Variants in PTPRT observed in about 807,000 individuals in gnomAD.
PTPRT encodes receptor-type tyrosine-protein phosphatase T.
Under a neutral mutation model 176.8 loss-of-function variants are expected in PTPRT, and 56 were observed. The observed-to-expected ratio is 0.32, with a 90% CI of 0.26 to 0.40. The LOEUF (loss-of-function observed/expected upper bound fraction) is 0.40. Among genes scored for constraint, PTPRT ranks in the 10% least tolerant of loss-of-function variants. PTPRT has a pLI of 1.00. For synonymous variants in PTPRT, 783 were observed against 739.0 expected, an observed-to-expected ratio of 1.06 and a Z score of -0.96; for missense variants, 1,540 against 1,908.2, an observed-to-expected ratio of 0.81 and a Z score of 3.60.
At position 42,825,366 on chromosome 20, in the gene PTPRT, A is replaced by G. The variant is rs921655483; in HGVS notation, c.215-33900T>C. On this transcript the variant is annotated intron_variant, in intron 2 of 30. Transcript: ENST00000373187. ...AGTGTAAGGACGTAATTAAATAAGT[A>G]ATAATACGGCAATATGATATAATTT... Among the ~76,000 whole-genome samples the G allele has an allele frequency of 1.5e-3, 233 of 152,146 alleles. 1 individual carries two copies. Among genetic ancestry groups the G allele is most frequent in the Non-Finnish European group, 7.4e-5 (5 of 68,006 alleles).
intron 1 of PTPRT, among the ~76,000 whole-genome samples, chr20:43,065,576 A>G (rs1245956282): frequency 6.6e-6 from 1 of 152,190 alleles, no homozygotes; most frequent in Non-Finnish European, 1.5e-5. Context: ...TGACCCAGAG[A>G]TCTGTTGGTA....
At chr20:43,151,887 A>G (rs1349324386) in intron 1 of PTPRT, among the ~76,000 whole-genome samples, 1 of 151,970 alleles carries the variant, frequency 6.6e-6, no homozygotes, top group Non-Finnish European at 1.5e-5. Context: ...GAAACCAAGA[A>G]CTTGAAGACT....
chr20:42,053,356 GTCT>G, the PTPRT span, among the ~76,000 whole-genome samples: 1 of 152,108 alleles, frequency 6.6e-6, no homozygotes, highest in Non-Finnish European at 1.5e-5. Flanking sequence ...CGGTACTGTG[GTCT>G]TCTTCCCAGC....
chr20:42,752,687 G>A (rs950724566), intron 6 of PTPRT, among the ~76,000 whole-genome samples: 4 of 152,184 alleles, frequency 2.6e-5, no homozygotes, highest in African/African-American at 7.2e-5. Context: ...CTGAAAGAAG[G>A]AGGATTAATG....
chr20:42,431,736 G>A (rs913322993), intron 9 of PTPRT, among the ~76,000 whole-genome samples: 5 of 152,050 alleles, frequency 3.3e-5, no homozygotes, highest in African/African-American at 7.2e-5. Flanking sequence ...GATCCTTAAC[G>A]GGATTTCCTA....
rs948008779 is a variant in PTPRT, at chr20:42,604,357, G to A, written c.1153+73509C>T. ...ATACTCATCTGAATTACTGATGTTG[G>A]GCATGAGATGGTGGGGCCATGCGAT... On this transcript the variant is annotated intron_variant, in intron 7 of 30. Coordinates refer to ENST00000373187, the MANE Select transcript of PTPRT (RefSeq NM_007050.6). 2.0e-5 allele frequency among the ~76,000 whole-genome samples: 3 copies of A among 152,132 alleles called. No individual in the cohort carries two copies. In the South Asian group the frequency reaches 6.2e-4, roughly 32 times the overall value.
chr20:42,722,132 GCA>G (rs2076313078), intron 6 of PTPRT, among the ~76,000 whole-genome samples: 2 of 152,106 alleles, frequency 1.3e-5, no homozygotes, highest in East Asian at 3.9e-4. Context: ...CTTCCTCTCT[GCA>G]CATTCTTCTC....
intron 7 of PTPRT, among the ~76,000 whole-genome samples, chr20:42,628,360 A>G (rs2074336265): frequency 6.6e-6 from 1 of 152,102 alleles, no homozygotes; most frequent in African/African-American, 2.4e-5. Context: ...CTATTGCTCT[A>G]TTCCACGTGA....
At chr20:42,328,117 C>T (rs1386579820) in intron 11 of PTPRT, among the ~76,000 whole-genome samples, 1 of 152,044 alleles carries the variant, frequency 6.6e-6, no homozygotes, top group Non-Finnish European at 1.5e-5. Context: ...ATTCTCATAT[C>T]AAATAGAAAA....
In PTPRT at chr20:42,244,306, A is replaced by G. The variant is rs554532340; in HGVS notation, c.2312+4381T>C. ...ATGTATAACCAGAGATGCATATAAAATATCAGAATAGACATTCATATTTAT... is the reference window on the plus strand; with the variant it reads ...ATGTATAACCAGAGATGCATATAAAGTATCAGAATAGACATTCATATTTAT... On this transcript the variant is annotated intron_variant, in intron 14 of 30. Transcript: ENST00000373187. 1.2e-4 allele frequency among the ~76,000 whole-genome samples: 18 copies of G among 152,340 alleles called. No homozygotes were observed. The South Asian group carries it at 3.3e-3, about 28-fold the overall frequency.
chr20:42,648,079 G>A (rs1370965586), intron 7 of PTPRT, among the ~76,000 whole-genome samples: 3 of 147,232 alleles, frequency 2.0e-5, no homozygotes, highest in African/African-American at 7.6e-5. Context: ...ATCCTCTGGG[G>A]AAACGGCTCC....
At chr20:42,249,468 AGG>A (rs2056513341) in intron 13 of PTPRT, among the ~76,000 whole-genome samples, 1 of 152,228 alleles carries the variant, frequency 6.6e-6, no homozygotes, top group African/African-American at 2.4e-5. Context: ...TCCTCAGTAG[AGG>A]AGGCAGGTCA....
At chr20:42,353,884 T>C (rs894743032) in intron 9 of PTPRT, among the ~76,000 whole-genome samples, 1 of 152,104 alleles carries the variant, frequency 6.6e-6, no homozygotes. Context: ...TCTGTATCTA[T>C]GTATCTACAA....
intron 9 of PTPRT, among the ~76,000 whole-genome samples, chr20:42,373,703 G>A (rs1402082842): frequency 6.6e-6 from 1 of 152,178 alleles, no homozygotes; most frequent in Non-Finnish European, 1.5e-5. Context: ...CATGCAGAAC[G>A]GTGTGACACC....
At chr20:42,664,410 A>G (rs780124410) in intron 7 of PTPRT, among the ~76,000 whole-genome samples, 1 of 152,154 alleles carries the variant, frequency 6.6e-6, no homozygotes, top group Non-Finnish European at 1.5e-5. Flanking sequence ...GTAAACCATG[A>G]CCTCAATGGT....
intron 1 of PTPRT, among the ~76,000 whole-genome samples, chr20:42,894,300 A>C (rs1473908798): frequency 1.3e-5 from 2 of 152,170 alleles, no homozygotes; most frequent in Non-Finnish European, 2.9e-5. Context: ...GTTTGCAAGG[A>C]CCAAGTAATC....
the PTPRT span, among the ~76,000 whole-genome samples, chr20:42,054,486 G>A: frequency 1.3e-5 from 2 of 152,178 alleles, no homozygotes; most frequent in Non-Finnish European, 2.9e-5. Flanking sequence ...TGTCAGAGAT[G>A]GAGGGGCCCC....
Position 42,927,791 on chromosome 20 carries a change from T to G in PTPRT, c.89-41859A>C, listed in dbSNP as rs576616319. On this transcript the variant is annotated intron_variant, in intron 1 of 30. Coordinates refer to ENST00000373187, the MANE Select transcript of PTPRT (RefSeq NM_007050.6). Reference sequence around the variant, plus strand: ...GTGGCCCAGGTATGGTACAGTGAACTGAGCTGTCAGGGGCATTAACTAAAA... The same window carrying G: ...GTGGCCCAGGTATGGTACAGTGAACGGAGCTGTCAGGGGCATTAACTAAAA... 2.0e-5 allele frequency among the ~76,000 whole-genome samples: 3 copies of G among 152,336 alleles called. No individual in the cohort carries two copies. The East Asian group carries it at 5.8e-4, about 29-fold the overall frequency.
At chr20:42,146,042 C>T (rs1391293322) in intron 17 of PTPRT, among the ~76,000 whole-genome samples, 1 of 152,164 alleles carries the variant, frequency 6.6e-6, no homozygotes, top group Admixed American at 6.5e-5. Flanking sequence ...TCTACCAAAC[C>T]TTGCATCCAT....
Sources: allele counts gnomAD v4.1 joint callset (sites outside exome capture counted in the v4.1 genomes callset), GRCh38; gene constraint gnomAD v4.1.1; transcripts MANE v1.5; gene names NCBI Gene and HGNC (gene_info 2026-07-23, HGNC 2026-07-21).